HTT-AS: variants seen among roughly 807,000 people sequenced by gnomAD.
HTT-AS encodes the protein HTT antisense RNA (head to head).
At chr4:3,047,809 T>A (rs1482089881), downstream of HTT-AS, among the ~76,000 whole-genome samples, 1 of 152,232 alleles carries the variant, frequency 6.6e-6, no homozygotes, top group Non-Finnish European at 1.5e-5. Flanking sequence ...CACTTTCATG[T>A]TCCGCTCTGT....
At chr4:3,062,959 G>A (rs1711970590) in exon 2 of HTT-AS, among the ~76,000 whole-genome samples, 1 of 152,126 alleles carries the variant, frequency 6.6e-6, no homozygotes, top group Non-Finnish European at 1.5e-5. Flanking sequence ...CTATGTCCCA[G>A]TCCAACCGGA....
intron 2 of HTT-AS, among the ~76,000 whole-genome samples, chr4:3,058,421 C>T (rs1251904105): frequency 6.6e-6 from 1 of 152,070 alleles, no homozygotes; most frequent in Non-Finnish European, 1.5e-5. Context: ...TGCCTTTTAG[C>T]ATGTTAATGC....
At chr4:3,058,487 A>G (rs917894328) in intron 2 of HTT-AS, among the ~76,000 whole-genome samples, 1 of 152,140 alleles carries the variant, frequency 6.6e-6, no homozygotes, top group African/African-American at 2.4e-5. Context: ...TTTCATTGCC[A>G]TCTTGGTTTT....
chr4:3,068,373 C>A (rs184159330), intron 1 of HTT-AS, among the ~76,000 whole-genome samples: 13 of 150,998 alleles, frequency 8.6e-5, no homozygotes, highest in Non-Finnish European at 1.6e-4. Flanking sequence ...AAGCAACTGC[C>A]GCCTTTGATT....
chr4:3,056,594 T>C (rs1266990755), intron 2 of HTT-AS, among the ~76,000 whole-genome samples: 2 of 152,218 alleles, frequency 1.3e-5, no homozygotes, highest in East Asian at 1.9e-4. Flanking sequence ...TTTACACCTA[T>C]ATGACCAAAC....
intron 2 of HTT-AS, among the ~76,000 whole-genome samples, chr4:3,054,956 G>T (rs1259315070): frequency 6.6e-6 from 1 of 151,724 alleles, no homozygotes; most frequent in African/African-American, 2.4e-5. Flanking sequence ...CTCGTGATCT[G>T]CCCGCCTCCA....
chr4:3,068,428 A>G (rs747673767), intron 1 of HTT-AS, among the ~76,000 whole-genome samples: 7 of 151,952 alleles, frequency 4.6e-5, no homozygotes, highest in Non-Finnish European at 7.4e-5. Context: ...AAATAAAAAC[A>G]CTTCCTGATT....
chr4:3,059,298 C>T (rs1489202952), intron 2 of HTT-AS, among the ~76,000 whole-genome samples: 2 of 152,182 alleles, frequency 1.3e-5, no homozygotes, highest in Non-Finnish European at 2.9e-5. Flanking sequence ...TGGCCACTTT[C>T]CCTTTTCTGT....
chr4:3,056,362 T>C (rs1278797975), intron 2 of HTT-AS, among the ~76,000 whole-genome samples: 1 of 152,158 alleles, frequency 6.6e-6, no homozygotes, highest in Non-Finnish European at 1.5e-5. Flanking sequence ...GGAGGTGAGG[T>C]ACAGAAATAG....
intron 2 of HTT-AS, among the ~76,000 whole-genome samples, chr4:3,051,253 C>T (rs1313767): frequency 0.44 from 66,626 of 151,692 alleles, 15,181 homozygotes; most frequent in South Asian, 0.7. Context: ...TTAGTAGAGA[C>T]GGGGTTTCTC....
At chr4:3,047,204 G>A (rs900617913), downstream of HTT-AS, among the ~76,000 whole-genome samples, 4 of 152,050 alleles carry the variant, frequency 2.6e-5, no homozygotes, top group Non-Finnish European at 4.4e-5. Flanking sequence ...CCAGCTACTC[G>A]GGAGGCTGAG....
chr4:3,066,744 A>G (rs1712064357), intron 1 of HTT-AS, among the ~76,000 whole-genome samples: 1 of 152,222 alleles, frequency 6.6e-6, no homozygotes, highest in African/African-American at 2.4e-5. Flanking sequence ...ATTGCAAACA[A>G]AAATCCTCTC....
At chr4:3,064,594 TA>T (rs1290836470) in intron 1 of HTT-AS, among the ~76,000 whole-genome samples, 1 of 152,110 alleles carries the variant, frequency 6.6e-6, no homozygotes, top group African/African-American at 2.4e-5. Flanking sequence ...AAACATAATT[TA>T]TCAAAACTAA....
intron 2 of HTT-AS, among the ~76,000 whole-genome samples, chr4:3,055,164 G>A (rs1211759221): frequency 1.3e-5 from 2 of 151,938 alleles, no homozygotes; most frequent in African/African-American, 4.8e-5. Flanking sequence ...CGGGCGTGGT[G>A]GCGGGCGCCT....
chr4:3,071,719 TA>T (rs1208473646), intron 1 of HTT-AS, among the ~76,000 whole-genome samples: 1 of 152,088 alleles, frequency 6.6e-6, no homozygotes, highest in Non-Finnish European at 1.5e-5. Context: ...GTAAGGAGGC[TA>T]AAATGAGATC....
intron 2 of HTT-AS, among the ~76,000 whole-genome samples, chr4:3,055,138 G>T (rs908278638): frequency 6.6e-6 from 1 of 151,868 alleles, no homozygotes; most frequent in Non-Finnish European, 1.5e-5. Flanking sequence ...CACGAGGTCA[G>T]GAGATCGAGA....
intron 2 of HTT-AS, among the ~76,000 whole-genome samples, chr4:3,058,187 G>A (rs367558048): frequency 5.3e-5 from 8 of 152,052 alleles, no homozygotes; most frequent in Admixed American, 1.3e-4. Context: ...TTAGCTGGGC[G>A]TGGTGGCGCG....
At chr4:3,066,041 A>G (rs2110124044) in intron 1 of HTT-AS, among the ~76,000 whole-genome samples, 1 of 152,372 alleles carries the variant, frequency 6.6e-6, no homozygotes, top group South Asian at 2.1e-4. Flanking sequence ...CATAAACATT[A>G]ACAGAGTAAG....
intron 2 of HTT-AS, among the ~76,000 whole-genome samples, chr4:3,058,331 G>GA (rs201222828): frequency 0.071 from 10,207 of 143,292 alleles, 377 homozygotes; most frequent in African/African-American, 0.093. Flanking sequence ...TGTCTCAAAA[G>GA]AAAAAAAAAA....
Sources: gnomAD v4.1 joint callset for allele counts (sites outside exome capture counted in the v4.1 genomes callset) on GRCh38, gnomAD v4.1.1 for gene constraint, MANE v1.5 for transcripts, NCBI Gene and HGNC (gene_info 2026-07-23, HGNC 2026-07-21) for gene names.